Variants in POLG observed in about 807,000 individuals in gnomAD.
POLG encodes the protein DNA polymerase gamma, catalytic subunit, also known as DNA polymerase subunit gamma-1.
In POLG, 110 loss-of-function variants were observed where a neutral mutation model predicts 155.4. The ratio of observed to expected loss-of-function variants is 0.71; its 90% CI spans 0.61 to 0.83. POLG has a LOEUF of 0.83. POLG is among the 40% of genes least tolerant of loss of function. The probability of loss-of-function intolerance (pLI) is 0.00; values close to 1 mark genes in which losing one functional copy is unlikely to be tolerated. For synonymous variants in POLG, 701 were observed against 631.5 expected, an observed-to-expected ratio of 1.11 and a Z score of -1.65; for missense variants, 1,685 against 1,627.5, an observed-to-expected ratio of 1.04 and a Z score of -0.61.
chr15:89,321,058 C>T (rs532235024), intron 17 of POLG, 46 bp from the exon 18 acceptor site: 1 of 1,610,996 alleles, frequency 6.2e-7, no homozygotes, highest in Non-Finnish European at 8.5e-7. Context: ...GAACATTCTG[C>T]CCAATGTTCA....
In POLG at chr15:89,321,028, G is replaced by A; in HGVS notation, c.2735-16C>T. The A allele has an allele frequency of 6.2e-7, 1 of 1,614,156 alleles. No homozygotes were observed. The highest frequency in any genetic ancestry group is 1.1e-5 in the South Asian group (1 of 91,082). On this transcript the variant is annotated splice_polypyrimidine_tract_variant and intron_variant, in intron 17 of 22. Coordinates refer to ENST00000268124, the MANE Select transcript of POLG (RefSeq NM_002693.3). ...GCTGTGCAGCCTGGAAGACAAGCAG[G>A]AGTGAGAAAAGCAGCTCAGGAACAT... is the stretch of plus-strand genomic sequence containing the variant.
chr15:89,327,335 A>C lies in POLG; in HGVS notation c.1265T>G (p.Val422Gly). ...PLFLERCPHP[V>G]TLAGMLEMGV... ...CATCTCCAGCATGCCGGCCAGAGTC[A>C]CTGGGTGGGGACACCTTGGAGGCAA... The change falls in exon 7 of 23, where the codon GTG (valine) becomes GGG (glycine). Residue 422 changes from valine to glycine, a missense_variant. Around this residue, in one of 3 missense-constraint regions of POLG, gnomAD observed 1,210 missense variants for 1,167.1 expected, o/e 1.04. Coordinates refer to ENST00000268124, the MANE Select transcript of POLG (RefSeq NM_002693.3). 1 of 1,613,648 alleles carries C rather than the reference A, an allele frequency of 6.2e-7. No homozygotes were observed. The highest frequency in any genetic ancestry group is 1.1e-5 in the South Asian group (1 of 91,074).
rs1596360425 is a variant in POLG, at chr15:89,330,273, A to G, written c.663T>C (p.Tyr221=). 6.2e-7 allele frequency: 1 copy of G among 1,610,372 alleles called. No homozygotes were observed. Among genetic ancestry groups the G allele is most frequent in the Non-Finnish European group, 8.5e-7 (1 of 1,179,766 alleles). The change falls in exon 3 of 23, where the codon TAT becomes TAC. Residue 221 remains tyrosine (Y), a synonymous_variant. Coordinates refer to ENST00000268124, the MANE Select transcript of POLG (RefSeq NM_002693.3). ...CCACCAGCCGCTGGCTGCACCAGGA[A>G]TACCTGAGGGAGGTGAGAGGCAGGC... ...LAVAISPSAW[Y]SWCSQRLVEE...
chr15:89,319,229 T>G lies in POLG; in HGVS notation c.3103A>C (p.Lys1035Gln), dbSNP rs1238690470. ...CCTTAACACAAAGAAGGTTCTTACT[T>G]CCTTGCAGTTTCTCTCTGGACCTTG... ...LRKVQRETARKSQWKKWEVVA... is the reference protein window; with the variant it reads ...LRKVQRETARQSQWKKWEVVA... Residue 1035 changes from lysine (K) to glutamine (Q), a missense_variant and splice_region_variant, in exon 19 of 23, where the codon AAG becomes CAG. Coordinates refer to ENST00000268124, the MANE Select transcript of POLG (RefSeq NM_002693.3). The G allele has an allele frequency of 6.2e-7, 1 of 1,614,026 alleles. No homozygotes were observed.
intron 21 of POLG, 46 bp from the exon 22 acceptor site, chr15:89,317,582 A>G: frequency 6.3e-7 from 1 of 1,577,810 alleles, no homozygotes; most frequent in Non-Finnish European, 8.7e-7. Context: ...CCTCCTGTGA[A>G]CAGATGCATC....
Position 89,317,373 on chromosome 15 carries a change from C to T in POLG, c.3643+3G>A, listed in dbSNP as rs758587842. The T allele has an allele frequency of 3.1e-6, 5 of 1,613,902 alleles. No individual in the cohort carries two copies. Among genetic ancestry groups the T allele is most frequent in the Non-Finnish European group, 3.4e-6 (4 of 1,179,774 alleles). ...TAATGAGGAACAAATGTGTTGTGCT[C>T]ACCCTGGGGAATCCCGTATCTCCTT... On this transcript the variant is annotated splice_donor_region_variant and intron_variant, in intron 22 of 22. Coordinates refer to ENST00000268124, the MANE Select transcript of POLG (RefSeq NM_002693.3).
At position 89,316,346 on chromosome 15, in the gene POLG, T is replaced by G. The variant is rs1350497633; in HGVS notation, c.*405A>C. On this transcript the variant is annotated 3_prime_UTR_variant, in exon 23 of 23. Coordinates refer to ENST00000268124, the MANE Select transcript of POLG (RefSeq NM_002693.3). The stretch of plus-strand genomic sequence containing the variant: ...TTTTTTTCCTTCTTTTTATTTCCAC[T>G]GCCTTGGAGCAGGTTTATCACGTTA... 1.3e-6 allele frequency: 2 copies of G among 1,540,320 alleles called. No homozygotes were observed. Among genetic ancestry groups the G allele is most frequent in the Non-Finnish European group, 1.8e-6 (2 of 1,123,906 alleles).
intron 2 of POLG, among the ~76,000 whole-genome samples, chr15:89,330,990 C>G (rs1276050254): frequency 2.0e-5 from 3 of 152,152 alleles, no homozygotes; most frequent in African/African-American, 7.2e-5. Flanking sequence ...TCAAGATCCA[C>G]AAGGCTAGGT....
chr15:89,320,409 C>T lies in POLG; in HGVS notation c.2981+357G>A, dbSNP rs74031918. Among the ~76,000 whole-genome samples the T allele has an allele frequency of 4.3e-3, 648 of 152,338 alleles. 7 individuals are homozygous for T. Among genetic ancestry groups the T allele is most frequent in the African/African-American group, 0.015 (620 of 41,578 alleles). ...GTTTGCCACAGCGCCCTCCTGTCAACTCCTGTCTTCCACCCACTCCATTTG... is the reference window on the plus strand; with the variant it reads ...GTTTGCCACAGCGCCCTCCTGTCAATTCCTGTCTTCCACCCACTCCATTTG... On this transcript the variant is annotated intron_variant, in intron 18 of 22. Transcript: ENST00000268124.
Position 89,328,926 on chromosome 15 carries a change from C to T in POLG, c.1023+17G>A, listed in dbSNP as rs778750911. The T allele has an allele frequency of 8.1e-6, 13 of 1,614,016 alleles. No homozygotes were observed. Among genetic ancestry groups the T allele is most frequent in the African/African-American group, 8.0e-5 (6 of 74,944 alleles). ...TCCCAAGCACTATGCTCCTGCCCAC[C>T]GGCAGTGTGCTCTCACCGCTGGGCC... On this transcript the variant is annotated intron_variant, in intron 4 of 22. Coordinates refer to ENST00000268124, the MANE Select transcript of POLG (RefSeq NM_002693.3).
rs146301349 is a variant in POLG at position 89,316,819 on chromosome 15, G to A, written c.3652C>T (p.Leu1218=). ...RRYGIPQGEA[L]DIYQIIELTK... is the part of the protein sequence containing the mutation. Reference sequence around the variant, plus strand: ...AGTTCAATTATCTGGTAAATATCCAGCGCTTCACCTGAAAGATAGTGCAAA... The same window carrying A: ...AGTTCAATTATCTGGTAAATATCCAACGCTTCACCTGAAAGATAGTGCAAA... The change falls in exon 23 of 23, where the codon CTG becomes TTG. Residue 1218 remains leucine, a synonymous_variant. Coordinates refer to ENST00000268124, the MANE Select transcript of POLG (RefSeq NM_002693.3). 118 of 1,613,442 alleles carry A rather than the reference G, an allele frequency of 7.3e-5. No individual in the cohort carries two copies. The African/African-American group carries it at 1.4e-3, about 19-fold the overall frequency.
rs3176177 is a variant in POLG at position 89,327,434 on chromosome 15, A to AC, written c.1251-86dup. The AC allele has an allele frequency of 3.9e-3, 4,876 of 1,247,096 alleles. 124 individuals carry two copies. The African/African-American group carries it at 0.064, about 16-fold the overall frequency. 77.3% of individuals were successfully genotyped at this position (1,247,096 alleles called of 1,614,324 possible). A position where few individuals can be genotyped will look rare whatever the true frequency, so the allele number is the denominator to read the frequency against. On this transcript the variant is annotated intron_variant, in intron 6 of 22. Transcript: ENST00000268124. ...CCCTGAGCTGGTTTAGCAAGCCTCAACCCAGCCACTGACATGGCACAGCTC... is the reference window on the plus strand; with the variant it reads ...CCCTGAGCTGGTTTAGCAAGCCTCAACCCCAGCCACTGACATGGCACAGCTC...
At chr15:89,325,342 CTGAACCCAGACTCT>C in intron 10 of POLG, 94 bp downstream of exon 10, 1 of 747,244 alleles carries the variant, frequency 1.3e-6, no homozygotes, top group Non-Finnish European at 2.3e-6. Context: ...TTCCCTTCTT[CTGAACCCAGACTCT>C]TGAACCCAAA....
Position 89,327,306 on chromosome 15 carries a change from CA to C in POLG, c.1293del (p.Val432SerfsTer28). On this transcript the variant is annotated frameshift_variant, in exon 7 of 23. Transcript: ENST00000268124. LOFTEE classifies it high-confidence loss of function. ...PVTLAGMLEM[G>X]VSYLPVNQNW... ...TTCTGGTTGACAGGCAGGTAGGAGACACCCATCTCCAGCATGCCGGCCAGAG... is the reference window on the plus strand; with the variant it reads ...TTCTGGTTGACAGGCAGGTAGGAGACCCCATCTCCAGCATGCCGGCCAGAG... The C allele has an allele frequency of 6.2e-7, 1 of 1,614,050 alleles. No homozygotes were observed. Among genetic ancestry groups the C allele is most frequent in the Non-Finnish European group, 8.5e-7 (1 of 1,180,022 alleles).
rs1250901445 is a variant in POLG, at chr15:89,334,643, G to C, written c.-160+30C>G. The C allele has an allele frequency of 2.6e-5, 4 of 152,518 alleles. No homozygotes were observed. The East Asian group carries it at 7.7e-4, about 29-fold the overall frequency. 9.4% of individuals were successfully genotyped at this position (152,518 alleles called of 1,614,324 possible). A position where few individuals can be genotyped will look rare whatever the true frequency, so the allele number is the denominator to read the frequency against. ...GGGCCGCGCCGTCGCTCAGCGACCC[G>C]GCCTCCCCGCCGCCGACCCCGCCGG... On this transcript the variant is annotated intron_variant, in intron 1 of 22. Coordinates refer to ENST00000268124, the MANE Select transcript of POLG (RefSeq NM_002693.3).
intron 6 of POLG, among the ~76,000 whole-genome samples, 200 bp from the exon 7 acceptor site, chr15:89,327,549 T>C (rs182470216): frequency 1.3e-5 from 2 of 152,296 alleles, no homozygotes; most frequent in Admixed American, 1.3e-4. Flanking sequence ...CTTTCATCTA[T>C]AAAATGGGAA....
chr15:89,325,279 AGAGAAAG>A (rs2055496682), intron 10 of POLG, among the ~76,000 whole-genome samples, 164 bp downstream of exon 10: 1 of 107,378 alleles, frequency 9.3e-6, no homozygotes, highest in African/African-American at 4.5e-5. Flanking sequence ...AGTGAGAGAG[AGAGAAAG>A]AGAGAGAGAG....
chr15:89,317,534 C>G lies in POLG; in HGVS notation c.3485G>C (p.Cys1162Ser). Reference protein sequence around the residue: ...ALQITNLLTRCMFAYKLGLND... With the variant: ...ALQITNLLTRSMFAYKLGLND... ...CAGACCCAGCTTGTAGGCAAACATG[C>G]ACCTGAAAGAGACCCAATCTACTCT... The change falls in exon 22 of 23, where the codon TGC becomes TCC. Residue 1162 changes from cysteine (C) to serine (S), a missense_variant and splice_region_variant. Cys to Ser is a moderately radical substitution (Grantham distance 112, BLOSUM62 -1). This residue lies in a region of POLG where 470 missense variants were observed against 439.9 expected (regional missense o/e 1.07). Transcript: ENST00000268124. The G allele has an allele frequency of 1.2e-6, 2 of 1,613,902 alleles. No individual in the cohort carries two copies. The highest frequency in any genetic ancestry group is 1.1e-5 in the South Asian group (1 of 91,076).
chr15:89,319,094 T>C lies in POLG; in HGVS notation c.3110A>G (p.Gln1037Arg), dbSNP rs1275825297. 2 of 1,614,002 alleles carry C rather than the reference T, an allele frequency of 1.2e-6. No individual in the cohort carries two copies. Among genetic ancestry groups the C allele is most frequent in the Non-Finnish European group, 1.7e-6 (2 of 1,180,016 alleles). ...AGCAACCACCTCCCACTTCTTCCACTGTGACCTAAGGGACCAGAAACAGAG... is the reference window on the plus strand; with the variant it reads ...AGCAACCACCTCCCACTTCTTCCACCGTGACCTAAGGGACCAGAAACAGAG... ...KVQRETARKSQWKKWEVVAER... is the reference protein window; with the variant it reads ...KVQRETARKSRWKKWEVVAER... Residue 1037 changes from glutamine to arginine, a missense_variant, in exon 20 of 23, where the codon CAG (glutamine) becomes CGG (arginine). Transcript: ENST00000268124.
Sources: gnomAD v4.1 joint callset for allele counts (sites outside exome capture counted in the v4.1 genomes callset) on GRCh38, gnomAD v4.1.1 for gene constraint, gnomAD v4.1.1 regional missense constraint, MANE v1.5 for transcripts, NCBI Gene and HGNC (gene_info 2026-07-23, HGNC 2026-07-21) for gene names.